Variants in MTUS2 observed in about 807,000 individuals in gnomAD.
The protein encoded by MTUS2 is microtubule-associated tumor suppressor candidate 2.
Under a neutral mutation model 114.1 loss-of-function variants are expected in MTUS2, and 40 were observed. The observed-to-expected ratio is 0.35, with a 90% CI of 0.27 to 0.46. The LOEUF is 0.46. Among genes scored for constraint, MTUS2 ranks in the 20% least tolerant of loss-of-function variants. MTUS2 has a pLI of 1.00. For synonymous variants in MTUS2, 688 were observed against 672.0 expected, an observed-to-expected ratio of 1.02 and a Z score of -0.37; for missense variants, 1,679 against 1,705.4, an observed-to-expected ratio of 0.98 and a Z score of 0.27.
chr13:28,993,976 C>T (rs763767516), intron 2 of MTUS2, among the ~76,000 whole-genome samples: 16 of 151,784 alleles, frequency 1.1e-4, no homozygotes, highest in Non-Finnish European at 1.6e-4. Flanking sequence ...TATGTATACA[C>T]GTGCCATGTT....
At chr13:29,095,012 T>C (rs1185369824) in intron 4 of MTUS2, among the ~76,000 whole-genome samples, 2 of 152,100 alleles carry the variant, frequency 1.3e-5, no homozygotes, top group African/African-American at 2.4e-5. Context: ...CATTCTGTTA[T>C]GACCACAGAA....
rs57543195 is a variant in MTUS2 at position 29,409,273 on chromosome 13, G to A, written c.3118-30710G>A. Among the ~76,000 whole-genome samples the A allele has an allele frequency of 7.0e-3, 1,064 of 152,166 alleles. 13 individuals are homozygous for A. The highest frequency in any genetic ancestry group is 0.024 in the African/African-American group (1,001 of 41,512). On this transcript the variant is annotated intron_variant, in intron 8 of 15. Transcript: ENST00000612955. ...AGAGGTTGCAGTGAGCTGAGATTGCGCCACTGTACTCCAGCCTAGGGGACA... is the reference window on the plus strand; with the variant it reads ...AGAGGTTGCAGTGAGCTGAGATTGCACCACTGTACTCCAGCCTAGGGGACA...
intron 2 of MTUS2, among the ~76,000 whole-genome samples, chr13:28,920,468 T>C (rs1309524281): frequency 6.6e-6 from 1 of 152,210 alleles, no homozygotes; most frequent in African/African-American, 2.4e-5. Flanking sequence ...ACTGTGCCCC[T>C]TGGCTACCAC....
Position 28,920,870 on chromosome 13 carries a change from G to A in MTUS2, c.-243+81020G>A, listed in dbSNP as rs538749518. Among the ~76,000 whole-genome samples, 193 of 152,282 alleles carry A rather than the reference G, an allele frequency of 1.3e-3. 1 individual carries two copies. Among genetic ancestry groups the A allele is most frequent in the Non-Finnish European group, 2.1e-3 (145 of 68,014 alleles). On this transcript the variant is annotated intron_variant, in intron 2 of 15. Coordinates refer to ENST00000612955, the MANE Select transcript of MTUS2 (RefSeq NM_001033602.4). ...AGGGAGTTTCTCTCAGGCCACCACC[G>A]GTGTTCTCTTAAGGCCCAAGGACTC...
At chr13:28,982,881 A>G (rs552473016) in intron 2 of MTUS2, among the ~76,000 whole-genome samples, 1 of 152,334 alleles carries the variant, frequency 6.6e-6, no homozygotes, top group African/African-American at 2.4e-5. Context: ...TGGGGATAGC[A>G]ACATGGGGGA....
intron 8 of MTUS2, among the ~76,000 whole-genome samples, chr13:29,431,738 A>G (rs532167116): frequency 1.3e-5 from 2 of 152,338 alleles, no homozygotes; most frequent in South Asian, 4.1e-4. Flanking sequence ...ATGAAACATG[A>G]GAGGGGCAAC....
chr13:28,999,776 C>T (rs1885299614), intron 2 of MTUS2, among the ~76,000 whole-genome samples: 1 of 152,158 alleles, frequency 6.6e-6, no homozygotes. Flanking sequence ...TCCTCTTCTG[C>T]CCCATCCCCC....
chr13:29,175,214 A>G (rs998864056), intron 5 of MTUS2, among the ~76,000 whole-genome samples: 1 of 152,216 alleles, frequency 6.6e-6, no homozygotes, highest in Non-Finnish European at 1.5e-5. Context: ...TATAAAGTCT[A>G]AATTTATTCT....
intron 4 of MTUS2, among the ~76,000 whole-genome samples, chr13:29,060,652 C>G (rs1593434218): frequency 6.7e-6 from 1 of 149,586 alleles, no homozygotes; most frequent in Admixed American, 6.7e-5. Flanking sequence ...AAAATCTAAT[C>G]CTCCAATTTC....
intron 1 of MTUS2, among the ~76,000 whole-genome samples, chr13:28,835,101 G>A (rs1241920677): frequency 1.3e-5 from 2 of 152,154 alleles, no homozygotes; most frequent in Admixed American, 1.3e-4. Context: ...TTGGGAAACA[G>A]TTGATAGTTA....
intron 7 of MTUS2, among the ~76,000 whole-genome samples, chr13:29,335,595 T>C (rs183197912): frequency 6.6e-6 from 1 of 152,306 alleles, no homozygotes; most frequent in Non-Finnish European, 1.5e-5. Flanking sequence ...CCTGCCAACA[T>C]GTGATATCTC....
At chr13:29,030,017 C>A (rs1426452611) in intron 3 of MTUS2, among the ~76,000 whole-genome samples, 13 of 152,324 alleles carry the variant, frequency 8.5e-5, no homozygotes, top group Non-Finnish European at 1.9e-4. Flanking sequence ...TCTATAAAAA[C>A]AAACTCATGA....
intron 6 of MTUS2, chr13:29,307,303 A>G (rs542296770): frequency 3.0e-6 from 2 of 670,258 alleles, no homozygotes; most frequent in South Asian, 1.6e-5. Flanking sequence ...AGGACTCATG[A>G]CCACAGTCCA....
chr13:29,193,083 G>C (rs2139201473), intron 5 of MTUS2, among the ~76,000 whole-genome samples: 1 of 152,302 alleles, frequency 6.6e-6, no homozygotes, highest in Admixed American at 6.5e-5. Context: ...GCAGAATGTT[G>C]AAAGAGGTTC....
At position 29,095,426 on chromosome 13, in the gene MTUS2, T is replaced by G. The variant is rs190631083; in HGVS notation, c.2447-5347T>G. Among the ~76,000 whole-genome samples the G allele has an allele frequency of 5.3e-5, 8 of 152,306 alleles. No individual in the cohort carries two copies. In the East Asian group the frequency reaches 1.5e-3, roughly 29 times the overall value. ...TCCCTCTTCATTCTGGGTTGACAGT[T>G]GTTTTTCTCTTTACCTTTCTACACT... On this transcript the variant is annotated intron_variant, in intron 4 of 15. Transcript: ENST00000612955.
At chr13:29,436,936 A>G (rs1877452664) in intron 8 of MTUS2, among the ~76,000 whole-genome samples, 1 of 152,198 alleles carries the variant, frequency 6.6e-6, no homozygotes, top group African/African-American at 2.4e-5. Flanking sequence ...GGTTTTCACC[A>G]AAGTGATACA....
At chr13:29,423,432 G>C (rs1312871259) in intron 8 of MTUS2, among the ~76,000 whole-genome samples, 1 of 152,208 alleles carries the variant, frequency 6.6e-6, no homozygotes, top group South Asian at 2.1e-4. Context: ...TACATAAGAT[G>C]AGCCTAGGAT....
At chr13:29,097,147 C>T (rs554208466) in intron 4 of MTUS2, among the ~76,000 whole-genome samples, 6 of 80,250 alleles carry the variant, frequency 7.5e-5, no homozygotes, top group African/African-American at 2.3e-4. Context: ...CAGAGTAGAG[C>T]TTTCATATAT....
intron 5 of MTUS2, among the ~76,000 whole-genome samples, chr13:29,126,181 A>G (rs1194325122): frequency 6.6e-6 from 1 of 151,966 alleles, no homozygotes; most frequent in Non-Finnish European, 1.5e-5. Flanking sequence ...TCTTTCCCTT[A>G]ACTCCTGCCC....
Sources: allele counts gnomAD v4.1 joint callset (sites outside exome capture counted in the v4.1 genomes callset), GRCh38; gene constraint gnomAD v4.1.1; transcripts MANE v1.5; gene names NCBI Gene and HGNC (gene_info 2026-07-23, HGNC 2026-07-21).